The following RBPJ variants were observed in gnomAD, a reference collection of about 807,000 sequenced individuals.
The protein encoded by RBPJ is recombination signal binding protein for immunoglobulin kappa J region.
RBPJ carries 9 observed loss-of-function variants against 67.8 expected under a neutral mutation model. The ratio of observed to expected loss-of-function variants is 0.13; its 90% confidence interval spans 0.08 to 0.23. The LOEUF is 0.23. Ranked by LOEUF, RBPJ falls within the 10% of genes least tolerant of loss-of-function variation. The pLI is 1.00. For missense variants in RBPJ, 305 were observed against 595.6 expected (o/e 0.51, Z 5.08); for synonymous variants, 198 against 203.3 (o/e 0.97, Z 0.22).
chr4:26,139,744 A>T, the RBPJ span, among the ~76,000 whole-genome samples: 13 of 152,142 alleles, frequency 8.5e-5, 2 homozygotes, highest in Admixed American at 5.2e-4. Flanking sequence ...AGTAAGTCAG[A>T]CTGAAAGCCA....
At chr4:26,410,851 A>G (rs1422097962) in intron 3 of RBPJ, among the ~76,000 whole-genome samples, 4 of 152,248 alleles carry the variant, frequency 2.6e-5, no homozygotes, top group African/African-American at 9.6e-5. Context: ...AATAAAGACA[A>G]CTGTGAAAGG....
intron 1 of RBPJ, among the ~76,000 whole-genome samples, chr4:26,329,872 C>T (rs544488703): frequency 3.6e-4 from 54 of 149,954 alleles, no homozygotes; most frequent in East Asian, 1.4e-3. Context: ...CCAGCCTGGG[C>T]GACAGAGTGA....
At chr4:26,309,087 G>T (rs1436758953) in intron 1 of RBPJ, among the ~76,000 whole-genome samples, 5 of 148,408 alleles carry the variant, frequency 3.4e-5, no homozygotes, top group Non-Finnish European at 7.4e-5. Flanking sequence ...AGGCTGGAGT[G>T]CAGTGGCACG....
chr4:26,107,452 C>G, the RBPJ span, among the ~76,000 whole-genome samples: 1 of 152,366 alleles, frequency 6.6e-6, no homozygotes, highest in East Asian at 1.9e-4. Context: ...TGTTTGGCTT[C>G]TCAAAGTGCC....
intron 1 of RBPJ, among the ~76,000 whole-genome samples, chr4:26,182,493 C>CTT (rs756542568): frequency 0.018 from 2,626 of 142,376 alleles, 105 homozygotes; most frequent in African/African-American, 0.066. Context: ...ACTTTTTAAA[C>CTT]TTTTTTTTTT....
At chr4:26,187,147 G>A (rs979229216) in intron 1 of RBPJ, among the ~76,000 whole-genome samples, 5 of 152,144 alleles carry the variant, frequency 3.3e-5, no homozygotes, top group African/African-American at 1.2e-4. Flanking sequence ...GCTTGAGCCC[G>A]GGAAGTGGAG....
chr4:26,253,376 A>G (rs1720180776), intron 1 of RBPJ, among the ~76,000 whole-genome samples: 1 of 143,800 alleles, frequency 7.0e-6, no homozygotes, highest in Non-Finnish European at 1.5e-5. Flanking sequence ...CAGTGGCGCA[A>G]TCTCGGCTCA....
the RBPJ span, among the ~76,000 whole-genome samples, chr4:26,144,485 G>C: frequency 2.0e-5 from 3 of 151,958 alleles, no homozygotes; most frequent in Non-Finnish European, 4.4e-5. Context: ...GGCCAGGCTG[G>C]TCTCAAACCC....
chr4:26,322,620 T>C (rs187575777), intron 1 of RBPJ, among the ~76,000 whole-genome samples: 3 of 152,084 alleles, frequency 2.0e-5, no homozygotes, highest in South Asian at 2.1e-4. Context: ...GTGGAAGATA[T>C]TAATCAAATG....
chr4:26,281,905 C>T (rs1353737638), intron 1 of RBPJ, among the ~76,000 whole-genome samples: 3 of 152,260 alleles, frequency 2.0e-5, no homozygotes, highest in East Asian at 3.9e-4. Context: ...TCTTAAAACT[C>T]CTTTGTTCTA....
At chr4:26,320,021 G>C (rs1722852293), upstream of RBPJ, 1 of 746,614 alleles carries the variant, frequency 1.3e-6, no homozygotes, top group Non-Finnish European at 2.2e-6. Flanking sequence ...CCTCGGCTGT[G>C]CCAGGCCCTC....
At chr4:26,272,374 T>A (rs958026655) in intron 1 of RBPJ, among the ~76,000 whole-genome samples, 3 of 152,154 alleles carry the variant, frequency 2.0e-5, no homozygotes, top group African/African-American at 4.8e-5. Flanking sequence ...GAGACCAGCC[T>A]GGGCAATGTA....
chr4:26,209,098 A>ATAT (rs60595455), intron 1 of RBPJ, among the ~76,000 whole-genome samples: 42,101 of 146,762 alleles, frequency 0.29, 6,275 homozygotes, highest in East Asian at 0.34. Flanking sequence ...GAAGAAAAAA[A>ATAT]ATATATATAT....
intron 1 of RBPJ, among the ~76,000 whole-genome samples, chr4:26,283,935 C>T (rs976353660): frequency 5.3e-5 from 8 of 152,132 alleles, no homozygotes; most frequent in African/African-American, 1.4e-4. Context: ...TGAGCCACCA[C>T]GCCTGGCCTA....
chr4:26,214,778 AGAAAG>A (rs1718595366), intron 1 of RBPJ, among the ~76,000 whole-genome samples: 1 of 132,712 alleles, frequency 7.5e-6, no homozygotes, highest in African/African-American at 3.0e-5. Flanking sequence ...AGAGAAAGAA[AGAAAG>A]AAAAAGAGAA....
Position 26,424,563 on chromosome 4 carries a change from G to A in RBPJ, c.635-68G>A. The A allele has an allele frequency of 6.4e-7, 1 of 1,562,436 alleles. No individual in the cohort carries two copies. Among genetic ancestry groups the A allele is most frequent in the Non-Finnish European group, 8.8e-7 (1 of 1,140,424 alleles). ...GAGATACATGGATATATTAAGTTTTGTCATTTGCCTAATCATAAAATAAAT... is the reference window on the plus strand; with the variant it reads ...GAGATACATGGATATATTAAGTTTTATCATTTGCCTAATCATAAAATAAAT... On this transcript the variant is annotated intron_variant, in intron 6 of 10. Coordinates refer to ENST00000355476, the MANE Select transcript of RBPJ (RefSeq NM_015874.6). The surrounding 1 kb of genome is among the most constrained non-coding windows in gnomAD (Gnocchi z 5.3).
intron 1 of RBPJ, among the ~76,000 whole-genome samples, chr4:26,221,627 T>C (rs1411653834): frequency 6.6e-6 from 1 of 151,442 alleles, no homozygotes; most frequent in Non-Finnish European, 1.5e-5. Context: ...AAAGTGAGAG[T>C]AGGAGAGAAA....
upstream of RBPJ, chr4:26,320,652 A>G (rs76524079): frequency 0.018 from 24,947 of 1,376,112 alleles, 310 homozygotes; most frequent in South Asian, 0.037. Context: ...CCGCCTCCTG[A>G]CCCCTCCATT....
intron 1 of RBPJ, among the ~76,000 whole-genome samples, chr4:26,192,851 C>T (rs572631326): frequency 6.6e-6 from 1 of 152,312 alleles, no homozygotes; most frequent in Non-Finnish European, 1.5e-5. Flanking sequence ...TCACCAGAAC[C>T]TGCAAATACG....
Sources: allele counts gnomAD v4.1 joint callset (sites outside exome capture counted in the v4.1 genomes callset), GRCh38; gene constraint gnomAD v4.1.1; non-coding constraint Gnocchi (gnomAD v3.1); transcripts MANE v1.5; gene names NCBI Gene and HGNC (gene_info 2026-07-23, HGNC 2026-07-21).